BOC: variants seen among roughly 807,000 people sequenced by gnomAD.
BOC encodes the protein BOC cell adhesion associated, oncogene regulated.
Under a neutral mutation model 112.0 loss-of-function variants are expected in BOC, and 76 were observed. The observed-to-expected ratio is 0.68, with a 90% CI of 0.56 to 0.82. BOC has a LOEUF of 0.82. Among genes scored for constraint, BOC ranks in the 40% least tolerant of loss-of-function variants. The pLI is 0.00. For missense variants in BOC, 1,309 were observed against 1,511.7 expected, an observed-to-expected ratio of 0.87 and a Z score of 2.22; for synonymous variants, 580 against 599.8, an observed-to-expected ratio of 0.97 and a Z score of 0.48.
intron 4 of BOC, among the ~76,000 whole-genome samples, chr3:113,254,964 A>T (rs957978975): frequency 6.6e-6 from 1 of 152,052 alleles, no homozygotes; most frequent in Non-Finnish European, 1.5e-5. Context: ...GGTCAAATCA[A>T]CTGAAGAGTC....
intron 4 of BOC, among the ~76,000 whole-genome samples, chr3:113,264,575 G>A (rs557324904): frequency 3.9e-5 from 6 of 152,272 alleles, no homozygotes; most frequent in Admixed American, 6.5e-5. Flanking sequence ...CTTCATATGC[G>A]CCAGCTAGAG....
chr3:113,228,473 G>GATTAA (rs1300366458), intron 2 of BOC, among the ~76,000 whole-genome samples: 4 of 152,154 alleles, frequency 2.6e-5, no homozygotes, highest in African/African-American at 9.7e-5. Context: ...TAGGCCCTGG[G>GATTAA]TGAGGTAGGT....
At chr3:113,261,160 C>T (rs190454773) in intron 4 of BOC, among the ~76,000 whole-genome samples, 18 of 152,300 alleles carry the variant, frequency 1.2e-4, no homozygotes, top group Non-Finnish European at 1.6e-4. Flanking sequence ...AAGTGCTCAT[C>T]CCCATTCTTT....
chr3:113,286,244 T>C (rs1374614481), intron 19 of BOC, among the ~76,000 whole-genome samples: 1 of 152,158 alleles, frequency 6.6e-6, no homozygotes. Context: ...TAAAAGATGC[T>C]GGGTCCTAAA....
chr3:113,242,850 A>G (rs1944474597), intron 2 of BOC, among the ~76,000 whole-genome samples: 1 of 152,128 alleles, frequency 6.6e-6, no homozygotes, highest in African/African-American at 2.4e-5. Flanking sequence ...TGCAAGTGCC[A>G]AGGGGAAAAA....
intron 2 of BOC, among the ~76,000 whole-genome samples, chr3:113,236,226 A>ATGTG (rs1179339047): frequency 5.2e-5 from 5 of 96,734 alleles, no homozygotes; most frequent in African/African-American, 9.3e-5. Flanking sequence ...GTATATACGT[A>ATGTG]TATGTGTGTG....
At chr3:113,228,555 C>G (rs116335377) in intron 2 of BOC, among the ~76,000 whole-genome samples, 4,710 of 152,238 alleles carry the variant, frequency 0.031, 109 homozygotes, top group Middle Eastern at 0.044. Flanking sequence ...TGCAAGCTGC[C>G]TGCACTACCA....
chr3:113,233,742 C>T (rs1943032007), intron 2 of BOC, among the ~76,000 whole-genome samples: 1 of 152,126 alleles, frequency 6.6e-6, no homozygotes, highest in African/African-American at 2.4e-5. Context: ...ACCTGCCCAT[C>T]GAATGGAATT....
intron 3 of BOC, 95 bp from the exon 4 acceptor site, chr3:113,250,460 C>A: frequency 6.9e-7 from 1 of 1,449,198 alleles, no homozygotes; most frequent in Non-Finnish European, 9.3e-7. Context: ...CTGGTGGCCA[C>A]TTCTGGAAGA....
intron 2 of BOC, among the ~76,000 whole-genome samples, chr3:113,242,810 C>T (rs892411233): frequency 1.3e-5 from 2 of 152,046 alleles, no homozygotes; most frequent in Non-Finnish European, 2.9e-5. Context: ...TGTCTCTTTT[C>T]GTTCTTTTAC....
intron 1 of BOC, chr3:113,212,808 G>A (rs1032287974): frequency 6.6e-6 from 1 of 152,424 alleles, no homozygotes; most frequent in Non-Finnish European, 1.5e-5. Flanking sequence ...GTAACTGTGA[G>A]AAGGTGTGGG....
At chr3:113,221,735 C>T (rs1485244418) in intron 2 of BOC, among the ~76,000 whole-genome samples, 2 of 152,230 alleles carry the variant, frequency 1.3e-5, no homozygotes, top group South Asian at 2.1e-4. Context: ...CAGTGTCACA[C>T]TTTTGAAACA....
intron 6 of BOC, chr3:113,271,943 A>G (rs780608017): frequency 3.8e-5 from 7 of 184,032 alleles, no homozygotes; most frequent in Non-Finnish European, 6.9e-5. Flanking sequence ...GCTCAGCCGG[A>G]GGCCGGCTCT....
At chr3:113,235,168 T>A (rs150960545) in intron 2 of BOC, among the ~76,000 whole-genome samples, 1 of 152,236 alleles carries the variant, frequency 6.6e-6, no homozygotes, top group African/African-American at 2.4e-5. Context: ...CTTTAAACAC[T>A]TCCTTTTACA....
At chr3:113,266,228 TGG>T (rs1259484722) in intron 4 of BOC, among the ~76,000 whole-genome samples, 1 of 152,176 alleles carries the variant, frequency 6.6e-6, no homozygotes, top group Non-Finnish European at 1.5e-5. Flanking sequence ...TGTGTGTGTG[TGG>T]GTACATAGTA....
intron 2 of BOC, chr3:113,216,565 A>T (rs1411100725): frequency 4.2e-6 from 1 of 237,728 alleles, no homozygotes; most frequent in African/African-American, 2.2e-5. Context: ...GCTGTGAAAA[A>T]GTCCCGCGTA....
At chr3:113,264,649 C>T (rs925151764) in intron 4 of BOC, among the ~76,000 whole-genome samples, 2 of 152,148 alleles carry the variant, frequency 1.3e-5, no homozygotes, top group Non-Finnish European at 2.9e-5. Context: ...AACTCCCCAC[C>T]CCTCCCTGGC....
chr3:113,267,702 G>T (rs556206847), intron 4 of BOC, among the ~76,000 whole-genome samples: 1 of 152,190 alleles, frequency 6.6e-6, no homozygotes, highest in Non-Finnish European at 1.5e-5. Flanking sequence ...ACTTGTCATC[G>T]TGGATGCCTA....
Position 113,274,466 on chromosome 3 carries a change from G to T in BOC, c.1326G>T (p.Leu442=). 6.2e-7 allele frequency: 1 copy of T among 1,611,324 alleles called. No individual in the cohort carries two copies. Among genetic ancestry groups the T allele is most frequent in the Non-Finnish European group, 8.5e-7 (1 of 1,178,236 alleles). The change falls in exon 9 of 20, where the codon CTG becomes CTT. Residue 442 remains leucine (L), a synonymous_variant. Coordinates refer to ENST00000682979, the MANE Select transcript of BOC (RefSeq NM_001378074.1). This position sits in a 1 kb window ranked among gnomAD's most constrained non-coding sequence, Gnocchi z 4.8. The part of the protein sequence containing the change: ...PSKLGNPEQM[L]RGQPALPRPP... ...AACTCGGCAACCCTGAGCAGATGCT[G>T]AGGGGGCAACCGGCGCTCCCCAGAC...
Sources: gnomAD v4.1 joint callset for allele counts (sites outside exome capture counted in the v4.1 genomes callset) on GRCh38, gnomAD v4.1.1 for gene constraint, Gnocchi (gnomAD v3.1) non-coding constraint, MANE v1.5 for transcripts, NCBI Gene and HGNC (gene_info 2026-07-23, HGNC 2026-07-21) for gene names.